The following WWOX variants were observed in gnomAD, a reference collection of about 807,000 sequenced individuals.
WWOX encodes WW domain-containing oxidoreductase.
Under a neutral mutation model 46.2 loss-of-function variants are expected in WWOX, and 69 were observed. The ratio of observed to expected loss-of-function variants is 1.49; its 90% CI spans 1.23 to 1.82. The LOEUF (loss-of-function observed/expected upper bound fraction) is 1.82, where lower values mean the gene tolerates loss of function less well. Among genes scored for constraint, WWOX ranks in the 40% most tolerant of loss-of-function variants. WWOX has a pLI of 0.00. For synonymous variants in WWOX, 359 were observed against 202.6 expected (o/e 1.77, Z -6.56); for missense variants, 919 against 542.6 (o/e 1.69, Z -6.89).
intron 8 of WWOX, among the ~76,000 whole-genome samples, chr16:78,690,459 G>C (rs989069064): frequency 4.6e-5 from 7 of 152,214 alleles, no homozygotes; most frequent in African/African-American, 1.7e-4. Context: ...AGCTGAGATG[G>C]GAGGATTGCT....
intron 8 of WWOX, among the ~76,000 whole-genome samples, chr16:79,112,764 G>A (rs1051864992): frequency 6.6e-6 from 1 of 152,182 alleles, no homozygotes; most frequent in Non-Finnish European, 1.5e-5. Context: ...GAAGACAGGA[G>A]AGAAATCATC....
chr16:78,220,972 A>G (rs1332456697), intron 5 of WWOX, among the ~76,000 whole-genome samples: 6 of 152,162 alleles, frequency 3.9e-5, no homozygotes, highest in African/African-American at 1.4e-4. Flanking sequence ...TTTTTTAACC[A>G]TTTGATTCAT....
chr16:78,218,403 A>G (rs1948345477), intron 5 of WWOX, among the ~76,000 whole-genome samples: 1 of 151,912 alleles, frequency 6.6e-6, no homozygotes, highest in African/African-American at 2.4e-5. Flanking sequence ...TGCCTTTCTT[A>G]ATGTCTTTGA....
intron 8 of WWOX, among the ~76,000 whole-genome samples, chr16:78,502,847 T>A (rs948080130): frequency 1.3e-5 from 2 of 152,176 alleles, no homozygotes; most frequent in Admixed American, 6.5e-5. Context: ...GACTCGTAAC[T>A]GTTAATGGCT....
intron 8 of WWOX, among the ~76,000 whole-genome samples, chr16:79,110,168 C>A (rs1245833014): frequency 6.6e-6 from 1 of 152,100 alleles, no homozygotes; most frequent in Non-Finnish European, 1.5e-5. Flanking sequence ...TCAAATAATT[C>A]TTCTCACCCA....
At chr16:79,093,798 C>G (rs1012334321) in intron 8 of WWOX, among the ~76,000 whole-genome samples, 26 of 152,214 alleles carry the variant, frequency 1.7e-4, no homozygotes, top group Non-Finnish European at 1.5e-5. Flanking sequence ...TTCCCCTCCC[C>G]CTGCCCTTCG....
chr16:79,110,695 A>G (rs1233850432), intron 8 of WWOX: 1 of 152,210 alleles, frequency 6.6e-6, no homozygotes. Context: ...AGGGAAATGA[A>G]GAGCCACTTT....
intron 8 of WWOX, among the ~76,000 whole-genome samples, chr16:78,494,716 C>T (rs2084867596): frequency 6.6e-6 from 1 of 152,102 alleles, no homozygotes; most frequent in African/African-American, 2.4e-5. Context: ...AAATTTAAGG[C>T]TTGGTCATCG....
At chr16:78,471,361 C>T (rs989073556) in intron 8 of WWOX, among the ~76,000 whole-genome samples, 1 of 152,212 alleles carries the variant, frequency 6.6e-6, no homozygotes, top group Non-Finnish European at 1.5e-5. Context: ...AGGCATCTCT[C>T]ACCTCATTTG....
intron 8 of WWOX, among the ~76,000 whole-genome samples, chr16:78,630,213 A>G (rs1467597484): frequency 2.6e-5 from 4 of 152,184 alleles, no homozygotes; most frequent in Non-Finnish European, 5.9e-5. Context: ...AAGTTTCACA[A>G]GGCCAGGCAC....
chr16:79,208,003 T>C (rs573302286), intron 8 of WWOX, among the ~76,000 whole-genome samples: 19 of 152,320 alleles, frequency 1.2e-4, no homozygotes, highest in South Asian at 1.0e-3. Context: ...CAACTATAAA[T>C]AAACAGCAAC....
intron 8 of WWOX, among the ~76,000 whole-genome samples, chr16:78,732,336 C>T (rs570884190): frequency 6.6e-6 from 1 of 152,234 alleles, no homozygotes; most frequent in East Asian, 1.9e-4. Flanking sequence ...CATGAGGAAA[C>T]TCAATCTAGC....
chr16:79,185,900 T>C (rs1350189883), intron 8 of WWOX, among the ~76,000 whole-genome samples: 1 of 151,954 alleles, frequency 6.6e-6, no homozygotes, highest in Non-Finnish European at 1.5e-5. Flanking sequence ...GGCCTGATAT[T>C]AGGAAAAATA....
chr16:78,614,866 T>C (rs1454957674), intron 8 of WWOX, among the ~76,000 whole-genome samples: 1 of 152,224 alleles, frequency 6.6e-6, no homozygotes, highest in Non-Finnish European at 1.5e-5. Context: ...ACATGTGCCA[T>C]GGTGGTTTGC....
chr16:79,169,742 T>C (rs2050664206), intron 8 of WWOX, among the ~76,000 whole-genome samples: 1 of 152,196 alleles, frequency 6.6e-6, no homozygotes, highest in African/African-American at 2.4e-5. Flanking sequence ...GGATCGCCAG[T>C]GCCCAACCTT....
intron 5 of WWOX, among the ~76,000 whole-genome samples, chr16:78,373,788 C>A (rs1010551011): frequency 6.6e-6 from 1 of 152,090 alleles, no homozygotes; most frequent in Admixed American, 6.6e-5. Context: ...CTTTTCTGAG[C>A]ATATATATGT....
intron 8 of WWOX, among the ~76,000 whole-genome samples, chr16:78,662,747 G>A (rs2047246834): frequency 6.6e-6 from 1 of 152,196 alleles, no homozygotes; most frequent in South Asian, 2.1e-4. Context: ...ATTCGGGAAG[G>A]ATCCACTTCC....
chr16:78,458,939 C>T (rs553646968), intron 8 of WWOX, among the ~76,000 whole-genome samples: 2 of 152,270 alleles, frequency 1.3e-5, no homozygotes, highest in Non-Finnish European at 2.9e-5. Context: ...TTCTCTGTGT[C>T]ACCTCAGCAT....
chr16:78,224,146 G>A (rs1007329829), intron 5 of WWOX, among the ~76,000 whole-genome samples: 1 of 152,062 alleles, frequency 6.6e-6, no homozygotes, highest in Non-Finnish European at 1.5e-5. Context: ...TGGGACTACA[G>A]GCACCCGCCA....
Sources: gnomAD v4.1 joint callset for allele counts (sites outside exome capture counted in the v4.1 genomes callset) on GRCh38, gnomAD v4.1.1 for gene constraint, MANE v1.5 for transcripts, NCBI Gene and HGNC (gene_info 2026-07-23, HGNC 2026-07-21) for gene names.